The following CNTNAP2 variants were observed in gnomAD, a reference collection of about 807,000 sequenced individuals.
CNTNAP2 encodes the protein contactin associated protein 2.
In CNTNAP2, 98 loss-of-function variants were observed where a neutral mutation model predicts 155.2. The ratio of observed to expected loss-of-function variants is 0.63; its 90% confidence interval spans 0.54 to 0.75. The LOEUF (loss-of-function observed/expected upper bound fraction) is 0.75, where lower values mean the gene tolerates loss of function less well. CNTNAP2 is among the 30% of genes least tolerant of loss of function. CNTNAP2 has a pLI of 0.00. For missense variants in CNTNAP2, 1,727 were observed against 1,688.1 expected, an observed-to-expected ratio of 1.02 and a Z score of -0.40; for synonymous variants, 651 against 631.2, an observed-to-expected ratio of 1.03 and a Z score of -0.47.
In CNTNAP2 at chr7:146,641,178, T is replaced by A. The variant is rs569576643; in HGVS notation, c.98-133093T>A. On this transcript the variant is annotated intron_variant, in intron 1 of 23. Transcript: ENST00000361727. ...CGTCTTTACTAAAAATACAAAAAAATTAGCCAGGCATGGTGGCGGGGGCCT... is the reference window on the plus strand; with the variant it reads ...CGTCTTTACTAAAAATACAAAAAAAATAGCCAGGCATGGTGGCGGGGGCCT... 3.7e-3 allele frequency among the ~76,000 whole-genome samples: 562 copies of A among 152,072 alleles called. 3 individuals are homozygous for A. The highest frequency in any genetic ancestry group is 5.7e-3 in the Non-Finnish European group (386 of 67,982).
chr7:148,330,192 T>A (rs1216286969), intron 21 of CNTNAP2, among the ~76,000 whole-genome samples: 1 of 130,724 alleles, frequency 7.6e-6, no homozygotes, highest in African/African-American at 2.9e-5. Flanking sequence ...ACAGATGGAA[T>A]GGGTGGATGG....
intron 12 of CNTNAP2, among the ~76,000 whole-genome samples, chr7:147,568,799 T>C: frequency 6.6e-6 from 1 of 152,210 alleles, no homozygotes; most frequent in East Asian, 1.9e-4. Context: ...TCTTTCTGCT[T>C]TCACTTAGTT....
chr7:147,361,351 A>T (rs1441492961), intron 9 of CNTNAP2, among the ~76,000 whole-genome samples: 2 of 152,208 alleles, frequency 1.3e-5, no homozygotes, highest in African/African-American at 4.8e-5. Flanking sequence ...ATGTTAGGTT[A>T]TTCAGTTTTG....
Position 147,093,157 on chromosome 7 carries a change from C to G in CNTNAP2, c.551-14990C>G, listed in dbSNP as rs563174956. Reference sequence around the variant, plus strand: ...TCAGGAGGCTGAGGCAGGAGAATGGCGTGAACTCGGGAGGCGGAGCTTGCA... The same window carrying G: ...TCAGGAGGCTGAGGCAGGAGAATGGGGTGAACTCGGGAGGCGGAGCTTGCA... On this transcript the variant is annotated intron_variant, in intron 4 of 23. Coordinates refer to ENST00000361727, the MANE Select transcript of CNTNAP2 (RefSeq NM_014141.6). Among the ~76,000 whole-genome samples the G allele has an allele frequency of 4.0e-4, 59 of 146,530 alleles. 1 individual carries two copies. In the South Asian group the frequency reaches 0.013, roughly 32 times the overall value.
chr7:148,369,694 A>G (rs1798853700), intron 21 of CNTNAP2, among the ~76,000 whole-genome samples: 2 of 137,576 alleles, frequency 1.5e-5, no homozygotes, highest in South Asian at 4.5e-4. Flanking sequence ...TTACTGCTAC[A>G]TTCACTATGA....
chr7:146,130,997 C>T (rs528386135), intron 1 of CNTNAP2, among the ~76,000 whole-genome samples: 2 of 152,178 alleles, frequency 1.3e-5, no homozygotes, highest in Admixed American at 6.6e-5. Flanking sequence ...AAGAGGGTTA[C>T]AATTCAAGAT....
intron 8 of CNTNAP2, among the ~76,000 whole-genome samples, chr7:147,177,745 T>C (rs1235846732): frequency 6.6e-6 from 1 of 152,154 alleles, no homozygotes; most frequent in Non-Finnish European, 1.5e-5. Context: ...GCTTGCAGTA[T>C]GTGAAGCCCA....
chr7:146,619,486 T>C lies in CNTNAP2; in HGVS notation c.98-154785T>C, dbSNP rs1002110960. ...TTGAATTTAATTATTCAAGTAAAAGTAGTCTATTCAATCATTAATTGTATG... is the reference window on the plus strand; with the variant it reads ...TTGAATTTAATTATTCAAGTAAAAGCAGTCTATTCAATCATTAATTGTATG... On this transcript the variant is annotated intron_variant, in intron 1 of 23. Coordinates refer to ENST00000361727, the MANE Select transcript of CNTNAP2 (RefSeq NM_014141.6). 1.4e-4 allele frequency among the ~76,000 whole-genome samples: 21 copies of C among 151,846 alleles called. 1 individual carries two copies. The highest frequency in any genetic ancestry group is 2.6e-4 in the Non-Finnish European group (18 of 68,026).
intron 13 of CNTNAP2, among the ~76,000 whole-genome samples, chr7:147,762,933 G>A (rs1797327932): frequency 6.6e-6 from 1 of 152,030 alleles, no homozygotes; most frequent in Non-Finnish European, 1.5e-5. Flanking sequence ...GCAACTTTAG[G>A]CATCTCAAAA....
chr7:147,531,822 T>TTC (rs751238638), intron 11 of CNTNAP2, among the ~76,000 whole-genome samples: 24,717 of 143,286 alleles, frequency 0.17, 2,362 homozygotes, highest in Admixed American at 0.24. Context: ...TTTTTTTTTT[T>TTC]CCGAGACAAA....
chr7:147,513,741 GT>G (rs751626352), intron 11 of CNTNAP2, among the ~76,000 whole-genome samples: 1 of 152,206 alleles, frequency 6.6e-6, no homozygotes, highest in Non-Finnish European at 1.5e-5. Flanking sequence ...CTGCCCTCAG[GT>G]TCCCTGCACC....
At chr7:147,045,409 C>T (rs941344787) in intron 4 of CNTNAP2, among the ~76,000 whole-genome samples, 10 of 151,974 alleles carry the variant, frequency 6.6e-5, no homozygotes, top group East Asian at 1.9e-4. Flanking sequence ...TAATAGTGCC[C>T]GAATACTGTC....
intron 1 of CNTNAP2, among the ~76,000 whole-genome samples, chr7:146,460,083 A>G (rs781119572): frequency 6.6e-5 from 10 of 152,194 alleles, no homozygotes; most frequent in Non-Finnish European, 7.3e-5. Flanking sequence ...ATTTAGAACT[A>G]TTGGAACAAG....
At chr7:147,462,992 T>A (rs1420974534) in intron 10 of CNTNAP2, among the ~76,000 whole-genome samples, 1 of 152,206 alleles carries the variant, frequency 6.6e-6, no homozygotes, top group African/African-American at 2.4e-5. Flanking sequence ...AATTAACACA[T>A]TATTAAATGG....
chr7:146,232,330 T>C (rs1799400124), intron 1 of CNTNAP2, among the ~76,000 whole-genome samples: 1 of 151,112 alleles, frequency 6.6e-6, no homozygotes, highest in South Asian at 2.1e-4. Context: ...ATAAATTGCA[T>C]GTATTTATCA....
intron 1 of CNTNAP2, among the ~76,000 whole-genome samples, chr7:146,267,581 G>T (rs1384749848): frequency 6.6e-6 from 1 of 152,182 alleles, no homozygotes; most frequent in Admixed American, 6.5e-5. Flanking sequence ...TAGTGCCCTT[G>T]TTAAAGAAGC....
At chr7:146,546,857 C>T (rs1440179792) in intron 1 of CNTNAP2, among the ~76,000 whole-genome samples, 2 of 151,866 alleles carry the variant, frequency 1.3e-5, no homozygotes, top group East Asian at 1.9e-4. Flanking sequence ...TAACTGCACC[C>T]GTGATTCAAT....
chr7:146,451,904 T>A (rs1796489348), intron 1 of CNTNAP2, among the ~76,000 whole-genome samples: 1 of 92,758 alleles, frequency 1.1e-5, no homozygotes, highest in South Asian at 2.5e-4. Flanking sequence ...TTTATTTATT[T>A]ATTATTTATT....
rs151297212 is a variant in CNTNAP2 at position 147,997,822 on chromosome 7, G to T, written c.2383+19833G>T. On this transcript the variant is annotated intron_variant, in intron 15 of 23. Transcript: ENST00000361727. Reference sequence around the variant, plus strand: ...TAAGCATGTTCTGGGTGGTTCTCTGGGTGCACATGCGCAGTAGCCGCACAT... The same window carrying T: ...TAAGCATGTTCTGGGTGGTTCTCTGTGTGCACATGCGCAGTAGCCGCACAT... 9.6e-3 allele frequency among the ~76,000 whole-genome samples: 1,460 copies of T among 152,126 alleles called. 9 individuals are homozygous for T. Among genetic ancestry groups the T allele is most frequent in the Middle Eastern group, 0.048 (14 of 292 alleles).
Sources: allele counts gnomAD v4.1 joint callset (sites outside exome capture counted in the v4.1 genomes callset), GRCh38; gene constraint gnomAD v4.1.1; transcripts MANE v1.5; gene names NCBI Gene and HGNC (gene_info 2026-07-23, HGNC 2026-07-21).